The following SPTLC3 variants were observed in gnomAD, a reference collection of about 807,000 sequenced individuals.
SPTLC3 encodes the protein serine palmitoyltransferase 3.
SPTLC3 carries 36 observed loss-of-function variants against 59.3 expected under a neutral mutation model. The ratio of observed to expected loss-of-function variants is 0.61; its 90% CI spans 0.47 to 0.80. The LOEUF (loss-of-function observed/expected upper bound fraction) is 0.80, where lower values mean the gene tolerates loss of function less well. Among genes scored for constraint, SPTLC3 ranks in the 30% least tolerant of loss-of-function variants. The pLI is 0.00. For synonymous variants in SPTLC3, 257 were observed against 240.8 expected (o/e 1.07, Z -0.62); for missense variants, 625 against 685.1 (o/e 0.91, Z 0.98).
chr20:13,019,610 C>T (rs6074546), intron 1 of SPTLC3, among the ~76,000 whole-genome samples: 85,943 of 152,000 alleles, frequency 0.57, 26,961 homozygotes, highest in South Asian at 0.72. Flanking sequence ...CCTTGACTAA[C>T]CCAAATCTAA....
chr20:13,103,996 GC>G, intron 6 of SPTLC3, among the ~76,000 whole-genome samples: 1 of 152,304 alleles, frequency 6.6e-6, no homozygotes, highest in Non-Finnish European at 1.5e-5. Context: ...CAGGAGGCTT[GC>G]TATTATTAGG....
At chr20:13,015,612 T>C (rs1985488913) in intron 1 of SPTLC3, among the ~76,000 whole-genome samples, 1 of 152,108 alleles carries the variant, frequency 6.6e-6, no homozygotes. Flanking sequence ...AGTAAATAAA[T>C]CAACATATTT....
intron 1 of SPTLC3, among the ~76,000 whole-genome samples, chr20:13,040,520 G>A (rs1419810710): frequency 1.3e-5 from 2 of 152,010 alleles, no homozygotes; most frequent in Admixed American, 6.6e-5. Context: ...CACCACACCT[G>A]GCTAATATTT....
chr20:13,077,190 A>G (rs986106579), intron 4 of SPTLC3, among the ~76,000 whole-genome samples: 15 of 151,972 alleles, frequency 9.9e-5, no homozygotes, highest in African/African-American at 3.6e-4. Context: ...TCGAGCCAGC[A>G]TAACCTTGAT....
intron 4 of SPTLC3, chr20:13,079,666 C>T (rs191229113): frequency 1.6e-5 from 7 of 424,358 alleles, no homozygotes; most frequent in African/African-American, 6.3e-5. Flanking sequence ...CCTTGATGTG[C>T]GCAATGCTTC....
intron 1 of SPTLC3, among the ~76,000 whole-genome samples, chr20:13,048,669 T>C (rs563581070): frequency 6.6e-6 from 1 of 152,332 alleles, no homozygotes; most frequent in South Asian, 2.1e-4. Flanking sequence ...TGTGGGGTCA[T>C]ACTTTAGCAA....
At chr20:13,069,974 T>C (rs1448055536) in intron 2 of SPTLC3, among the ~76,000 whole-genome samples, 1 of 152,046 alleles carries the variant, frequency 6.6e-6, no homozygotes, top group Non-Finnish European at 1.5e-5. Context: ...TTTAAAATTA[T>C]AAATAGAGAA....
chr20:13,080,045 T>C (rs1034128155), intron 4 of SPTLC3, among the ~76,000 whole-genome samples: 17 of 152,112 alleles, frequency 1.1e-4, no homozygotes, highest in Admixed American at 2.6e-4. Context: ...CTTCTGTACA[T>C]AGAAAACAAG....
At chr20:13,145,239 C>T (rs534188461) in intron 9 of SPTLC3, among the ~76,000 whole-genome samples, 5 of 152,110 alleles carry the variant, frequency 3.3e-5, no homozygotes, top group African/African-American at 7.2e-5. Context: ...TCTAGAAAAC[C>T]CCATAGTACT....
intron 2 of SPTLC3, among the ~76,000 whole-genome samples, chr20:13,060,008 G>T (rs1018064597): frequency 2.6e-5 from 4 of 152,000 alleles, no homozygotes; most frequent in Non-Finnish European, 5.9e-5. Flanking sequence ...TGGCAACTTC[G>T]TACTTTCCCC....
chr20:13,117,653 T>C lies in SPTLC3; in HGVS notation c.1080T>C (p.His360=), dbSNP rs1162363146. Residue 360 remains histidine (H), a synonymous_variant, in exon 8 of 12, where the codon CAT becomes CAC. Coordinates refer to ENST00000399002, the MANE Select transcript of SPTLC3 (RefSeq NM_018327.4). ...CGGAGTTCTTTGGACTAGACCCTCA[T>C]GAAGTTGATGTGCTCATGGGCACAT... ...GVTEFFGLDP[H]EVDVLMGTFT... is the part of the protein sequence containing the mutation. 2 of 1,613,964 alleles carry C rather than the reference T, an allele frequency of 1.2e-6. No individual in the cohort carries two copies. The highest frequency in any genetic ancestry group is 1.3e-5 in the African/African-American group (1 of 74,918).
chr20:13,142,905 C>T (rs914199950), intron 9 of SPTLC3, among the ~76,000 whole-genome samples: 14 of 151,516 alleles, frequency 9.2e-5, no homozygotes, highest in African/African-American at 2.0e-4. Context: ...TCAAATACCC[C>T]GCCTCTCTCT....
intron 9 of SPTLC3, among the ~76,000 whole-genome samples, chr20:13,144,110 T>A (rs111777358): frequency 3.0e-3 from 452 of 152,300 alleles, no homozygotes; most frequent in African/African-American, 0.01. Flanking sequence ...CTACTGATCT[T>A]TCCCATGACT....
rs368311248 is a variant in SPTLC3 at position 13,160,135 on chromosome 20, G to A, written c.1545+3G>A. 23 of 1,613,732 alleles carry A rather than the reference G, an allele frequency of 1.4e-5. No individual in the cohort carries two copies. The African/African-American group carries it at 2.7e-4, about 19-fold the overall frequency. ...ATACCCGGGAGATGTTAGACACGGT[G>A]AGTACACCACAGGCCAACGGGATCT... On this transcript the variant is annotated splice_donor_region_variant and intron_variant, in intron 11 of 11. Coordinates refer to ENST00000399002, the MANE Select transcript of SPTLC3 (RefSeq NM_018327.4).
chr20:13,126,288 G>A (rs2037988387), intron 8 of SPTLC3, among the ~76,000 whole-genome samples: 1 of 152,152 alleles, frequency 6.6e-6, no homozygotes, highest in Admixed American at 6.5e-5. Flanking sequence ...CACATAGTAG[G>A]TACTCAACAA....
chr20:13,020,383 T>A (rs1427819923), intron 1 of SPTLC3, among the ~76,000 whole-genome samples: 1 of 151,436 alleles, frequency 6.6e-6, no homozygotes, highest in African/African-American at 2.4e-5. Flanking sequence ...ATTAATTAGC[T>A]GGACGTGGTG....
intron 6 of SPTLC3, among the ~76,000 whole-genome samples, chr20:13,101,408 G>A (rs1989596405): frequency 6.6e-6 from 1 of 152,200 alleles, no homozygotes; most frequent in Admixed American, 6.5e-5. Flanking sequence ...AGTCCAGTGT[G>A]ATGGCTAATG....
At chr20:13,082,707 G>C (rs916470367) in intron 4 of SPTLC3, among the ~76,000 whole-genome samples, 4 of 152,118 alleles carry the variant, frequency 2.6e-5, no homozygotes, top group African/African-American at 4.8e-5. Context: ...CAATGATTTA[G>C]AGAAAATAAA....
At chr20:13,078,279 G>C (rs1988718396) in intron 4 of SPTLC3, among the ~76,000 whole-genome samples, 1 of 149,634 alleles carries the variant, frequency 6.7e-6, no homozygotes, top group African/African-American at 2.4e-5. Context: ...TCAAATAACA[G>C]AATAACATAA....
Sources: gnomAD v4.1 joint callset for allele counts (sites outside exome capture counted in the v4.1 genomes callset) on GRCh38, gnomAD v4.1.1 for gene constraint, MANE v1.5 for transcripts, NCBI Gene and HGNC (gene_info 2026-07-23, HGNC 2026-07-21) for gene names.